Variants in SMG6 observed in about 807,000 individuals in gnomAD.
SMG6 encodes the protein telomerase-binding protein EST1A.
Under a neutral mutation model 142.2 loss-of-function variants are expected in SMG6, and 66 were observed. That is an observed-to-expected ratio of 0.46 (90% confidence interval 0.38 to 0.57). The LOEUF (loss-of-function observed/expected upper bound fraction) is 0.57, where lower values mean the gene tolerates loss of function less well. SMG6 is among the 20% of genes least tolerant of loss of function. The pLI, the probability that SMG6 is intolerant of heterozygous loss-of-function variation, is 0.00. For synonymous variants in SMG6, 779 were observed against 702.4 expected (o/e 1.11, Z -1.72); for missense variants, 1,793 against 1,832.0 (o/e 0.98, Z 0.39).
At chr17:2,166,732 G>A (rs2071349126) in intron 13 of SMG6, among the ~76,000 whole-genome samples, 1 of 152,204 alleles carries the variant, frequency 6.6e-6, no homozygotes, top group African/African-American at 2.4e-5. Flanking sequence ...GTGCTGGGAT[G>A]ACAGGCATGG....
intron 8 of SMG6, among the ~76,000 whole-genome samples, chr17:2,266,399 C>T (rs1300064176): frequency 2.0e-5 from 3 of 152,162 alleles, no homozygotes; most frequent in African/African-American, 7.2e-5. Context: ...AGCAAGTGCT[C>T]ATTGTTAGAT....
chr17:2,198,954 A>ATT (rs1567676952), intron 10 of SMG6, among the ~76,000 whole-genome samples: 5 of 140,708 alleles, frequency 3.6e-5, no homozygotes, highest in African/African-American at 7.8e-5. Context: ...TAAAATTAAA[A>ATT]AAAAAAAAAA....
intron 12 of SMG6, among the ~76,000 whole-genome samples, chr17:2,177,547 T>C (rs1404690319): frequency 1.3e-5 from 2 of 152,196 alleles, no homozygotes; most frequent in Non-Finnish European, 2.9e-5. Context: ...AATGACCCCA[T>C]GTTACAAGCC....
At position 2,283,239 on chromosome 17, in the gene SMG6, C is replaced by T. The variant is rs1294233278; in HGVS notation, c.2449-380G>A. Among the ~76,000 whole-genome samples, 3 of 152,302 alleles carry T rather than the reference C, an allele frequency of 2.0e-5. No homozygotes were observed. The East Asian group carries it at 5.8e-4, about 29-fold the overall frequency. ...GCTTACAAAGAGAAAAGCCTCACCT[C>T]ACCGGTATTTATTTGACAATAAAAA... is the stretch of plus-strand genomic sequence containing the variant. On this transcript the variant is annotated intron_variant, in intron 7 of 18. Transcript: ENST00000263073.
At chr17:2,086,219 A>G (rs546672550) in intron 13 of SMG6, among the ~76,000 whole-genome samples, 26 of 152,174 alleles carry the variant, frequency 1.7e-4, no homozygotes, top group Non-Finnish European at 3.2e-4. Context: ...AATATATGAC[A>G]TATCTTCTAA....
intron 10 of SMG6, among the ~76,000 whole-genome samples, chr17:2,189,807 G>A (rs570089437): frequency 6.6e-6 from 1 of 151,744 alleles, no homozygotes; most frequent in East Asian, 1.9e-4. Flanking sequence ...GTAAGAAGGA[G>A]CAGGCTGCTG....
rs753866568 is a variant in SMG6, at chr17:2,299,986, G to A, written c.767C>T (p.Thr256Met). 56 of 1,613,954 alleles carry A rather than the reference G, an allele frequency of 3.5e-5. No homozygotes were observed. The Admixed American group carries it at 4.2e-4, about 12-fold the overall frequency. ...GCTGCCAGCTGAGCTGGTGCTGCGC[G>A]TGCGGTAGCGATTCCTTCGTTTGTC... ...RSDKRRNRYR[T>M]RSTSSAGSNN... Residue 256 changes from threonine to methionine, a missense_variant, in exon 2 of 19, where the codon ACG becomes ATG. Physicochemically the swap from Thr to Met is moderately conservative, Grantham distance 81. Around this residue, in one of 3 missense-constraint regions of SMG6, gnomAD observed 1,597 missense variants for 1,584.6 expected, o/e 1.01. Coordinates refer to ENST00000263073, the MANE Select transcript of SMG6 (RefSeq NM_017575.5). This position sits in a 1 kb window ranked among gnomAD's most constrained non-coding sequence, Gnocchi z 4.3.
At chr17:2,179,770 A>T (rs2071751614) in intron 12 of SMG6, among the ~76,000 whole-genome samples, 1 of 152,186 alleles carries the variant, frequency 6.6e-6, no homozygotes. Context: ...ACTCCAAATG[A>T]AAAAGAGACT....
At chr17:2,141,025 C>T (rs769167406) in intron 13 of SMG6, among the ~76,000 whole-genome samples, 3 of 152,174 alleles carry the variant, frequency 2.0e-5, no homozygotes, top group Non-Finnish European at 2.9e-5. Flanking sequence ...GAAATCTGGC[C>T]AGGAGAATGA....
intron 3 of SMG6, among the ~76,000 whole-genome samples, 184 bp downstream of exon 3, chr17:2,297,679 T>G (rs2075173433): frequency 6.6e-6 from 1 of 152,104 alleles, no homozygotes; most frequent in Middle Eastern, 3.4e-3. Flanking sequence ...ACCTCAAAAC[T>G]CCAATTGCCA....
chr17:2,110,617 A>G (rs2069287646), intron 13 of SMG6, among the ~76,000 whole-genome samples: 2 of 152,214 alleles, frequency 1.3e-5, no homozygotes, highest in Admixed American at 1.3e-4. Context: ...AGCAAAGGAA[A>G]GCAGACGGAA....
At chr17:2,132,087 A>G (rs960189930) in intron 13 of SMG6, among the ~76,000 whole-genome samples, 2 of 152,084 alleles carry the variant, frequency 1.3e-5, no homozygotes, top group Non-Finnish European at 2.9e-5. Context: ...AAAAGAAAAA[A>G]AAAAGGAACT....
intron 8 of SMG6, among the ~76,000 whole-genome samples, chr17:2,268,449 G>C (rs2074471528): frequency 6.6e-6 from 1 of 152,174 alleles, no homozygotes; most frequent in Non-Finnish European, 1.5e-5. Flanking sequence ...AACTACGCAA[G>C]GGGCACTGAA....
chr17:2,252,127 A>G lies in SMG6; in HGVS notation c.2662-7408T>C, dbSNP rs192420945. ...GAAAAAAAAGGAAAAAAAAGAAAAG[A>G]AGGAGGCCGGGCACGGTGGCTCACG... On this transcript the variant is annotated intron_variant, in intron 8 of 18. Transcript: ENST00000263073. Among the ~76,000 whole-genome samples the G allele has an allele frequency of 4.0e-3, 581 of 145,920 alleles. 4 individuals are homozygous for G. The highest frequency in any genetic ancestry group is 5.5e-3 in the Non-Finnish European group (365 of 66,332).
At chr17:2,087,654 G>T in intron 13 of SMG6, 1 of 996,192 alleles carries the variant, frequency 1.0e-6, no homozygotes. Context: ...CTTGGCCCAG[G>T]GCAGGTAAGC....
chr17:2,301,147 G>T (rs1164840667), intron 1 of SMG6, among the ~76,000 whole-genome samples: 1 of 152,126 alleles, frequency 6.6e-6, no homozygotes, highest in African/African-American at 2.4e-5. Context: ...AGTAAAAAAG[G>T]AGAAAAAGGA....
intron 8 of SMG6, chr17:2,266,293 G>A: frequency 2.0e-6 from 1 of 494,880 alleles, no homozygotes; most frequent in Non-Finnish European, 2.6e-6. Context: ...GGATATGCTG[G>A]TAATCCGGCT....
intron 8 of SMG6, among the ~76,000 whole-genome samples, chr17:2,262,342 T>C (rs759621751): frequency 6.6e-5 from 10 of 152,228 alleles, no homozygotes; most frequent in Non-Finnish European, 1.5e-4. Flanking sequence ...ATTTGAAGGA[T>C]TCACTTCTAA....
rs2067761418 is a variant in SMG6 at position 2,061,122 on chromosome 17, C to G, written c.*370G>C. The stretch of plus-strand genomic sequence containing the variant: ...AAACTCAGAACCCCTGCCCTGTCTC[C>G]ACTGGAGAAAGTGGCTGCGTCCCCA... On this transcript the variant is annotated 3_prime_UTR_variant, in exon 19 of 19. Coordinates refer to ENST00000263073, the MANE Select transcript of SMG6 (RefSeq NM_017575.5). 1 of 208,630 alleles carries G rather than the reference C, an allele frequency of 4.8e-6. No individual in the cohort carries two copies. Among genetic ancestry groups the G allele is most frequent in the Admixed American group, 5.2e-5 (1 of 19,100 alleles). The allele number at this position is 208,630 out of a possible 1,614,324, so 12.9% of individuals were successfully genotyped here.
Sources: allele counts gnomAD v4.1 joint callset (sites outside exome capture counted in the v4.1 genomes callset), GRCh38; gene constraint gnomAD v4.1.1; regional missense constraint gnomAD v4.1.1; non-coding constraint Gnocchi (gnomAD v3.1); transcripts MANE v1.5; gene names NCBI Gene and HGNC (gene_info 2026-07-23, HGNC 2026-07-21).